The following CNTNAP4 variants were observed in gnomAD, a reference collection of about 807,000 sequenced individuals.
The protein encoded by CNTNAP4 is contactin associated protein family member 4.
Under a neutral mutation model 148.4 loss-of-function variants are expected in CNTNAP4, and 98 were observed. The ratio of observed to expected loss-of-function variants is 0.66; its 90% CI spans 0.56 to 0.78. CNTNAP4 has a LOEUF of 0.78. Among genes scored for constraint, CNTNAP4 ranks in the 30% least tolerant of loss-of-function variants. The probability of loss-of-function intolerance (pLI) is 0.00; values close to 1 mark genes in which losing one functional copy is unlikely to be tolerated. For missense variants in CNTNAP4, 1,935 were observed against 1,565.6 expected, an observed-to-expected ratio of 1.24 and a Z score of -3.98; for synonymous variants, 730 against 565.1, an observed-to-expected ratio of 1.29 and a Z score of -4.14.
intron 15 of CNTNAP4, among the ~76,000 whole-genome samples, chr16:76,507,517 C>T (rs950359330): frequency 2.1e-5 from 2 of 97,060 alleles, no homozygotes; most frequent in African/African-American, 5.2e-5. Flanking sequence ...TACATAATGA[C>T]CTCCAGTTCC....
chr16:76,321,796 A>G (rs1962444797), intron 2 of CNTNAP4, among the ~76,000 whole-genome samples: 1 of 151,050 alleles, frequency 6.6e-6, no homozygotes, highest in Non-Finnish European at 1.5e-5. Context: ...TCAAAAAAAA[A>G]AAAAAAAAAA....
intron 2 of CNTNAP4, among the ~76,000 whole-genome samples, chr16:76,326,793 CTGT>C (rs1465911669): frequency 1.1e-5 from 1 of 94,710 alleles, no homozygotes; most frequent in African/African-American, 4.1e-5. Context: ...ACACCGGGGC[CTGT>C]TGTGGGGTGG....
chr16:76,472,847 A>G lies in CNTNAP4; in HGVS notation c.1656-3092A>G, dbSNP rs2081423017. Among the ~76,000 whole-genome samples the G allele has an allele frequency of 2.6e-5, 4 of 152,262 alleles. No homozygotes were observed. In the South Asian group the frequency reaches 6.2e-4, roughly 24 times the overall value. Reference sequence around the variant, plus strand: ...GGGAGAGGATCAGGAAAAATAACTAATGGGTACTAAGCTTTATACCTGGGT... The same window carrying G: ...GGGAGAGGATCAGGAAAAATAACTAGTGGGTACTAAGCTTTATACCTGGGT... On this transcript the variant is annotated intron_variant, in intron 10 of 23. Coordinates refer to ENST00000611870, the MANE Select transcript of CNTNAP4 (RefSeq NM_033401.5).
chr16:76,447,730 G>T (rs1025457852), intron 4 of CNTNAP4, among the ~76,000 whole-genome samples: 1 of 152,144 alleles, frequency 6.6e-6, no homozygotes, highest in African/African-American at 2.4e-5. Flanking sequence ...AGATGATTTT[G>T]TTCAACAATA....
chr16:76,298,173 G>T (rs1483965537), intron 1 of CNTNAP4, among the ~76,000 whole-genome samples: 2 of 152,052 alleles, frequency 1.3e-5, no homozygotes, highest in Non-Finnish European at 2.9e-5. Context: ...TCTTATACAG[G>T]GTGCCATAAA....
intron 3 of CNTNAP4, among the ~76,000 whole-genome samples, chr16:76,379,679 C>T (rs1256360693): frequency 2.0e-5 from 3 of 152,214 alleles, no homozygotes; most frequent in Non-Finnish European, 4.4e-5. Context: ...AGCTGTGACA[C>T]TATCTTTTGA....
intron 17 of CNTNAP4, among the ~76,000 whole-genome samples, chr16:76,527,947 C>G (rs1346774385): frequency 1.3e-5 from 2 of 152,042 alleles, no homozygotes; most frequent in African/African-American, 4.8e-5. Flanking sequence ...GTTACTCATT[C>G]TAAGATAGAT....
intron 2 of CNTNAP4, among the ~76,000 whole-genome samples, chr16:76,344,226 C>A (rs950610018): frequency 6.6e-6 from 1 of 151,922 alleles, no homozygotes; most frequent in Non-Finnish European, 1.5e-5. Context: ...TTGCTTATGT[C>A]TGTCCAGTTT....
intron 1 of CNTNAP4, among the ~76,000 whole-genome samples, chr16:76,289,194 A>G (rs1310406334): frequency 6.6e-6 from 1 of 152,174 alleles, no homozygotes; most frequent in Non-Finnish European, 1.5e-5. Flanking sequence ...GAACAGCATC[A>G]GCTACTTCCA....
intron 21 of CNTNAP4, among the ~76,000 whole-genome samples, chr16:76,542,113 A>C (rs554182137): frequency 5.9e-5 from 9 of 152,224 alleles, no homozygotes; most frequent in Non-Finnish European, 1.3e-4. Context: ...GTCTGTGCAC[A>C]TGGGTATTAG....
intron 17 of CNTNAP4, among the ~76,000 whole-genome samples, chr16:76,530,297 T>C (rs577517785): frequency 3.3e-5 from 5 of 152,278 alleles, no homozygotes; most frequent in Non-Finnish European, 5.9e-5. Flanking sequence ...TTCAGTACAA[T>C]AGAGGTCGCA....
At chr16:76,411,327 C>T (rs2078783782) in intron 3 of CNTNAP4, among the ~76,000 whole-genome samples, 1 of 151,270 alleles carries the variant, frequency 6.6e-6, no homozygotes, top group African/African-American at 2.4e-5. Context: ...TTGAAGTAGA[C>T]TGAAGGCTAA....
At chr16:76,472,164 G>A (rs1449253688) in intron 10 of CNTNAP4, among the ~76,000 whole-genome samples, 2 of 152,054 alleles carry the variant, frequency 1.3e-5, no homozygotes, top group East Asian at 3.9e-4. Flanking sequence ...GTATTGGAGT[G>A]AGTAGGGAGG....
intron 2 of CNTNAP4, among the ~76,000 whole-genome samples, chr16:76,330,763 A>G (rs1220020722): frequency 6.6e-6 from 1 of 152,238 alleles, no homozygotes; most frequent in Non-Finnish European, 1.5e-5. Context: ...TAGTAAAAAT[A>G]CAGAAAGAGC....
rs374790826 is a variant in CNTNAP4, at chr16:76,352,344, G to T, written c.197-2974G>T. ...GTCCATCATGTGCCTATACTTCAAA[G>T]ACACGGTCCATTGTAAACTACAGGG... On this transcript the variant is annotated intron_variant, in intron 2 of 23. Coordinates refer to ENST00000611870, the MANE Select transcript of CNTNAP4 (RefSeq NM_033401.5). Among the ~76,000 whole-genome samples the T allele has an allele frequency of 5.9e-5, 9 of 152,148 alleles. No homozygotes were observed. In the South Asian group the frequency reaches 1.9e-3, roughly 32 times the overall value.
At chr16:76,554,049 C>G in intron 23 of CNTNAP4, 142 bp downstream of exon 23, 1 of 549,440 alleles carries the variant, frequency 1.8e-6, no homozygotes, top group South Asian at 2.4e-5. Context: ...GGGTGATTTA[C>G]TATTTGTACT....
At position 76,439,514 on chromosome 16, in the gene CNTNAP4, G is replaced by T. The variant is rs13332141; in HGVS notation, c.539-8498G>T. Among the ~76,000 whole-genome samples, 679 of 152,224 alleles carry T rather than the reference G, an allele frequency of 4.5e-3. 3 individuals carry two copies. The highest frequency in any genetic ancestry group is 0.015 in the African/African-American group (622 of 41,556). ...CTGTGACATTGCAAAAGTTGCAAAT[G>T]AATATTAGAGCCAAAAATGCAACTT... On this transcript the variant is annotated intron_variant, in intron 4 of 23. Transcript: ENST00000611870.
intron 3 of CNTNAP4, among the ~76,000 whole-genome samples, chr16:76,395,217 A>T (rs4888496): frequency 1.3e-5 from 2 of 151,636 alleles, no homozygotes; most frequent in African/African-American, 2.4e-5. Flanking sequence ...GGGCATCAGC[A>T]GATTTGATAT....
At position 76,441,430 on chromosome 16, in the gene CNTNAP4, C is replaced by G. The variant is rs1226726425; in HGVS notation, c.539-6582C>G. Reference sequence around the variant, plus strand: ...TTCTGAATTGTGTAAATAAAGCAAGCTATACCTACGGGCACAGGGAGAATT... The same window carrying G: ...TTCTGAATTGTGTAAATAAAGCAAGGTATACCTACGGGCACAGGGAGAATT... On this transcript the variant is annotated intron_variant, in intron 4 of 23. Transcript: ENST00000611870. Among the ~76,000 whole-genome samples, 8 of 152,252 alleles carry G rather than the reference C, an allele frequency of 5.3e-5. No homozygotes were observed. In the East Asian group the frequency reaches 1.5e-3, roughly 29 times the overall value.
Sources: gnomAD v4.1 joint callset for allele counts (sites outside exome capture counted in the v4.1 genomes callset) on GRCh38, gnomAD v4.1.1 for gene constraint, MANE v1.5 for transcripts, NCBI Gene and HGNC (gene_info 2026-07-23, HGNC 2026-07-21) for gene names.